RAVER2: variants seen among roughly 807,000 people sequenced by gnomAD.
RAVER2 encodes the protein ribonucleoprotein PTB-binding 2.
A neutral mutation model predicts 78.1 loss-of-function variants in RAVER2; 46 were observed. The ratio of observed to expected loss-of-function variants is 0.59; its 90% CI spans 0.46 to 0.75. The LOEUF (loss-of-function observed/expected upper bound fraction) is 0.75. Among genes scored for constraint, RAVER2 ranks in the 30% least tolerant of loss-of-function variants. The pLI, the probability that RAVER2 is intolerant of heterozygous loss-of-function variation, is 0.00. For synonymous variants in RAVER2, 311 were observed against 313.3 expected (o/e 0.99, Z 0.08); for missense variants, 793 against 837.5 (o/e 0.95, Z 0.66).
At chr1:64,794,650 T>G (rs1653046423) in intron 5 of RAVER2, among the ~76,000 whole-genome samples, 1 of 152,136 alleles carries the variant, frequency 6.6e-6, no homozygotes, top group Admixed American at 6.5e-5. Context: ...ATATCTTCTT[T>G]GGTGATATGT....
intron 2 of RAVER2, among the ~76,000 whole-genome samples, chr1:64,777,409 A>G (rs1156547556): frequency 6.6e-6 from 1 of 152,164 alleles, no homozygotes; most frequent in East Asian, 1.9e-4. Context: ...ACTGTTGATG[A>G]AATTAGTTTA....
At chr1:64,789,575 A>C (rs1286980169) in intron 5 of RAVER2, 61 bp downstream of exon 5, 1 of 1,300,320 alleles carries the variant, frequency 7.7e-7, no homozygotes, top group African/African-American at 1.5e-5. Flanking sequence ...TAATTTTTTC[A>C]CATGTGAAAT....
intron 1 of RAVER2, among the ~76,000 whole-genome samples, chr1:64,747,210 A>G (rs753242606): frequency 2.0e-5 from 3 of 152,170 alleles, no homozygotes; most frequent in Non-Finnish European, 2.9e-5. Flanking sequence ...TAATATTTTC[A>G]TATGTTCTGC....
At chr1:64,750,498 A>G (rs1482565809) in intron 1 of RAVER2, among the ~76,000 whole-genome samples, 1 of 151,640 alleles carries the variant, frequency 6.6e-6, no homozygotes, top group African/African-American at 2.4e-5. Flanking sequence ...TTTTGTAGAG[A>G]CACGGTCTCT....
At chr1:64,787,511 A>C (rs1652814040) in intron 4 of RAVER2, among the ~76,000 whole-genome samples, 2 of 151,372 alleles carry the variant, frequency 1.3e-5, no homozygotes, top group African/African-American at 4.9e-5. Context: ...CTTCATTTCC[A>C]CCCCTGCTCT....
chr1:64,763,125 C>A (rs928369023), intron 1 of RAVER2, among the ~76,000 whole-genome samples: 1 of 152,000 alleles, frequency 6.6e-6, no homozygotes, highest in Non-Finnish European at 1.5e-5. Context: ...CTGGCTAACA[C>A]GGTGAAACTC....
chr1:64,745,587 C>T lies in RAVER2; in HGVS notation c.249+166C>T, dbSNP rs913454946. 2.2e-4 allele frequency among the ~76,000 whole-genome samples: 33 copies of T among 150,958 alleles called. No individual in the cohort carries two copies. The highest frequency in any genetic ancestry group is 7.5e-4 in the African/African-American group (31 of 41,532). ...CTGAGTTCTTGGGGTTTCTAGCCTGCAGACGCCCTGCCAGGGAGGGGGGCA... is the reference window on the plus strand; with the variant it reads ...CTGAGTTCTTGGGGTTTCTAGCCTGTAGACGCCCTGCCAGGGAGGGGGGCA... On this transcript the variant is annotated intron_variant, in intron 1 of 11. Transcript: ENST00000294428. This position sits in a 1 kb window ranked among gnomAD's most constrained non-coding sequence, Gnocchi z 4.3.
At chr1:64,814,766 T>C (rs1653713915) in exon 11 of RAVER2, 3 of 1,588,688 alleles carry the variant, frequency 1.9e-6, no homozygotes, top group Non-Finnish European at 2.6e-6. Context: ...GGATGCAATC[T>C]CTCAGGGAAG....
intron 1 of RAVER2, among the ~76,000 whole-genome samples, chr1:64,754,737 A>G (rs571894440): frequency 3.3e-5 from 5 of 152,362 alleles, no homozygotes; most frequent in African/African-American, 1.2e-4. Flanking sequence ...TGTAGACCCT[A>G]GGTTGAAAAG....
chr1:64,804,747 G>A, exon 7 of RAVER2: 1 of 1,473,204 alleles, frequency 6.8e-7, no homozygotes, highest in South Asian at 1.2e-5. Context: ...TCAGTTATGG[G>A]TAATACTTCT....
chr1:64,800,137 T>TG lies in RAVER2; in HGVS notation c.1106-2839_1106-2838insG, dbSNP rs987125926. Among the ~76,000 whole-genome samples the TG allele has an allele frequency of 4.6e-4, 70 of 151,984 alleles. 1 individual carries two copies. The highest frequency in any genetic ancestry group is 1.4e-3 in the African/African-American group (56 of 41,462). ...GGGTGTTTTTTTGTTTTTTGTTTTT[T>TG]TTTTTTGCTGTTGAATTGCTAGAGT... On this transcript the variant is annotated intron_variant, in intron 5 of 11. Transcript: ENST00000294428.
At chr1:64,765,600 A>G (rs753422801) in intron 1 of RAVER2, among the ~76,000 whole-genome samples, 39 of 152,224 alleles carry the variant, frequency 2.6e-4, no homozygotes, top group Non-Finnish European at 4.7e-4. Context: ...ATACAGATAC[A>G]GACCTACATG....
exon 8 of RAVER2, chr1:64,805,013 C>A: frequency 6.2e-7 from 1 of 1,613,908 alleles, no homozygotes; most frequent in South Asian, 1.1e-5. Flanking sequence ...CTTGGAGAGC[C>A]CCCAGCTGTG....
intron 11 of RAVER2, among the ~76,000 whole-genome samples, chr1:64,824,407 T>C (rs574920260): frequency 6.6e-6 from 1 of 152,318 alleles, no homozygotes; most frequent in East Asian, 1.9e-4. Flanking sequence ...TGCCAAAAAG[T>C]ACATTGTGTT....
chr1:64,757,679 A>G (rs1651891794), intron 1 of RAVER2, among the ~76,000 whole-genome samples: 1 of 152,156 alleles, frequency 6.6e-6, no homozygotes, highest in Non-Finnish European at 1.5e-5. Flanking sequence ...CTACCTAGAA[A>G]CCAAGATCTG....
Position 64,745,286 on chromosome 1 carries a change from C to T in RAVER2, c.114C>T (p.His38=), listed in dbSNP as rs538692930. Residue 38 remains histidine, a synonymous_variant, in exon 1 of 12, where the codon CAC becomes CAT. Transcript: ENST00000294428. The surrounding 1 kb of genome is among the most constrained non-coding windows in gnomAD (Gnocchi z 4.3). ...GGCAGGGCCCCTCAGCCGAAGCGCA[C>T]GAGGGCGCCCCGGACCCGATGCCCG... 154 of 1,449,734 alleles carry T rather than the reference C, an allele frequency of 1.1e-4. No homozygotes were observed. The East Asian group carries it at 4.8e-3, about 45-fold the overall frequency. The allele number at this position is 1,449,734 out of a possible 1,614,324, so 89.8% of individuals were successfully genotyped here.
intron 1 of RAVER2, among the ~76,000 whole-genome samples, chr1:64,754,884 G>A (rs1261905734): frequency 6.6e-6 from 1 of 152,164 alleles, no homozygotes; most frequent in Non-Finnish European, 1.5e-5. Flanking sequence ...ATGCATGAGG[G>A]TTTGGGTAGT....
chr1:64,772,006 C>G (rs1026000484), intron 2 of RAVER2, among the ~76,000 whole-genome samples: 1 of 151,796 alleles, frequency 6.6e-6, no homozygotes, highest in African/African-American at 2.4e-5. Context: ...CAAATTAGAC[C>G]CAATAATAAA....
chr1:64,747,313 T>C (rs1328965703), intron 1 of RAVER2, among the ~76,000 whole-genome samples: 1 of 152,222 alleles, frequency 6.6e-6, no homozygotes, highest in Non-Finnish European at 1.5e-5. Flanking sequence ...AACTTACTGA[T>C]GAAAGTTTCA....
Sources: allele counts gnomAD v4.1 joint callset (sites outside exome capture counted in the v4.1 genomes callset), GRCh38; gene constraint gnomAD v4.1.1; non-coding constraint Gnocchi (gnomAD v3.1); transcripts MANE v1.5; gene names NCBI Gene and HGNC (gene_info 2026-07-23, HGNC 2026-07-21).